XPO1: variants seen among roughly 807,000 people sequenced by gnomAD.
The protein encoded by XPO1 is exportin 1, also known as exportin-1.
XPO1 carries 5 observed loss-of-function variants against 133.3 expected under a neutral mutation model. The ratio of observed to expected loss-of-function variants is 0.04; its 90% CI spans 0.02 to 0.08. The LOEUF (loss-of-function observed/expected upper bound fraction) is 0.08. XPO1 is among the 10% of genes least tolerant of loss of function. The pLI is 1.00. For missense variants in XPO1, 506 were observed against 1,267.5 expected, an observed-to-expected ratio of 0.40 and a Z score of 9.12; for synonymous variants, 419 against 408.2, an observed-to-expected ratio of 1.03 and a Z score of -0.32.
At chr2:61,479,493 A>C (rs1696228343) in intron 24 of XPO1, among the ~76,000 whole-genome samples, 2 of 152,164 alleles carry the variant, frequency 1.3e-5, no homozygotes, top group African/African-American at 4.8e-5. Flanking sequence ...CCTTACAGTA[A>C]ATAGTCTTCA....
At chr2:61,506,514 G>A (rs921828173) in intron 4 of XPO1, among the ~76,000 whole-genome samples, 3 of 144,068 alleles carry the variant, frequency 2.1e-5, no homozygotes, top group South Asian at 2.2e-4. Context: ...CAGGAGAAAC[G>A]CTTGAACCCA....
chr2:61,515,937 C>CCACACACACACACACA (rs35237510), intron 4 of XPO1, among the ~76,000 whole-genome samples: 5 of 110,776 alleles, frequency 4.5e-5, no homozygotes, highest in African/African-American at 1.9e-4. Context: ...AAAAAAAAAA[C>CCACACACACACACACA]CACACACACA....
At chr2:61,499,193 G>A (rs1442863157) in intron 7 of XPO1, among the ~76,000 whole-genome samples, 4 of 152,154 alleles carry the variant, frequency 2.6e-5, no homozygotes, top group African/African-American at 9.7e-5. Flanking sequence ...CTAGTTTTCT[G>A]TTTTGTTTTA....
In XPO1 at chr2:61,500,578, C is replaced by CAAAAAAAAAAAAAAAAA. The variant is rs56213841; in HGVS notation, c.409-701_409-685dup. Among the ~76,000 whole-genome samples the CAAAAAAAAAAAAAAAAA allele has an allele frequency of 7.4e-4, 30 of 40,406 alleles. 2 individuals are homozygous for CAAAAAAAAAAAAAAAAA. The highest frequency in any genetic ancestry group is 3.9e-3 in the African/African-American group (29 of 7,430). The allele number at this position is 40,406 out of a possible 152,430, so 26.5% of individuals were successfully genotyped here. A position where few individuals can be genotyped will look rare whatever the true frequency, so the allele number is the denominator to read the frequency against. On this transcript the variant is annotated intron_variant, in intron 6 of 24. Coordinates refer to ENST00000401558, the MANE Select transcript of XPO1 (RefSeq NM_003400.4). ...TGGGCAACAGGATGAGACTCCATCTCAAAAAAAAAAAAAAAAAAAAGAGCA... is the reference window on the plus strand; with the variant it reads ...TGGGCAACAGGATGAGACTCCATCTCAAAAAAAAAAAAAAAAAAAAAAAAAAAAAAAAAAAAAGAGCA...
Position 61,490,750 on chromosome 2 carries a change from C to A in XPO1, c.1914G>T (p.Gly638=). Residue 638 remains glycine (G), a synonymous_variant, in exon 17 of 25, where the codon GGG becomes GGT. Coordinates refer to ENST00000401558, the MANE Select transcript of XPO1 (RefSeq NM_003400.4). ...QQVHTFYEAV[G]YMIGAQTDQT... The stretch of plus-strand genomic sequence containing the variant: ...GATCTGTTTGTGCACCAATCATGTA[C>A]CCCACAGCTTCATAAAACGTATGAA... The A allele has an allele frequency of 6.2e-7, 1 of 1,613,996 alleles. No homozygotes were observed. Among genetic ancestry groups the A allele is most frequent in the Non-Finnish European group, 8.5e-7 (1 of 1,179,992 alleles).
In XPO1 at chr2:61,492,552, CTA is replaced by C. The variant is rs1558639577; in HGVS notation, c.1566+13_1566+14del. 1 of 1,604,584 alleles carries C rather than the reference CTA, an allele frequency of 6.2e-7. No individual in the cohort carries two copies. The highest frequency in any genetic ancestry group is 1.7e-5 in the Admixed American group (1 of 57,740). On this transcript the variant is annotated intron_variant, in intron 14 of 24. Coordinates refer to ENST00000401558, the MANE Select transcript of XPO1 (RefSeq NM_003400.4). The surrounding 1 kb of genome is among the most constrained non-coding windows in gnomAD (Gnocchi z 5.6). ...CTTATTTAGCAATTCTAATTCATAC[CTA>C]TCCCTTGCATACCTTTATAACAGTA...
chr2:61,489,814 A>T (rs1696883330), intron 17 of XPO1, among the ~76,000 whole-genome samples: 1 of 152,062 alleles, frequency 6.6e-6, no homozygotes. Context: ...TCGGCCTCCC[A>T]AAGTGCTGGG....
At chr2:61,517,225 G>T (rs1380042961) in intron 4 of XPO1, among the ~76,000 whole-genome samples, 1 of 152,166 alleles carries the variant, frequency 6.6e-6, no homozygotes, top group African/African-American at 2.4e-5. Flanking sequence ...AAAAAGGGAT[G>T]GGGAATTATC....
At chr2:61,532,910 G>A (rs901143926) in intron 2 of XPO1, among the ~76,000 whole-genome samples, 4 of 152,092 alleles carry the variant, frequency 2.6e-5, no homozygotes, top group African/African-American at 9.7e-5. Context: ...GCACGCGGTG[G>A]CTCATGCCTG....
At chr2:61,521,721 T>C (rs1698697570) in intron 4 of XPO1, among the ~76,000 whole-genome samples, 1 of 152,198 alleles carries the variant, frequency 6.6e-6, no homozygotes, top group Non-Finnish European at 1.5e-5. Flanking sequence ...GGCTTTTCCA[T>C]TCCCGAGTTA....
At chr2:61,517,573 G>A (rs1295873095) in intron 4 of XPO1, among the ~76,000 whole-genome samples, 1 of 152,130 alleles carries the variant, frequency 6.6e-6, no homozygotes, top group Middle Eastern at 3.2e-3. Flanking sequence ...GTGATACAGT[G>A]AGATCTTGTC....
At chr2:61,514,602 A>AC (rs1388484009) in intron 4 of XPO1, among the ~76,000 whole-genome samples, 2 of 151,410 alleles carry the variant, frequency 1.3e-5, no homozygotes, top group Admixed American at 1.3e-4. Context: ...TTAAAAAAAA[A>AC]AAAAAAAAAG....
At chr2:61,495,844 C>T (rs1199011269) in intron 10 of XPO1, among the ~76,000 whole-genome samples, 1 of 151,936 alleles carries the variant, frequency 6.6e-6, no homozygotes, top group Admixed American at 6.6e-5. Flanking sequence ...TTATTTTTAA[C>T]ATTTTTGTAG....
intron 3 of XPO1, chr2:61,525,254 A>G: frequency 1.0e-6 from 1 of 985,464 alleles, no homozygotes; most frequent in Non-Finnish European, 1.2e-6. Flanking sequence ...AGTTAAAGGG[A>G]ATCAAAAGGG....
chr2:61,537,048 C>T (rs1699384922), intron 1 of XPO1: 1 of 152,154 alleles, frequency 6.6e-6, no homozygotes, highest in Admixed American at 6.5e-5. Context: ...AACCGGAGAG[C>T]TTTCGAGTTT....
intron 2 of XPO1, among the ~76,000 whole-genome samples, chr2:61,526,946 G>A (rs976782480): frequency 1.3e-5 from 2 of 152,112 alleles, no homozygotes; most frequent in Non-Finnish European, 2.9e-5. Flanking sequence ...GACCTCAGGT[G>A]ATCTGCCTGC....
intron 1 of XPO1, chr2:61,534,147 G>T: frequency 3.1e-6 from 1 of 323,920 alleles, no homozygotes; most frequent in East Asian, 5.5e-5. Flanking sequence ...TATACACCAG[G>T]AAGACTTTCC....
At chr2:61,506,885 T>C (rs1192265010) in intron 4 of XPO1, among the ~76,000 whole-genome samples, 2 of 151,996 alleles carry the variant, frequency 1.3e-5, no homozygotes, top group African/African-American at 4.8e-5. Flanking sequence ...ATAACACATT[T>C]CAATTCCTTT....
Position 61,478,801 on chromosome 2 carries a change from AAC to A in XPO1, c.*17_*18del, listed in dbSNP as rs763031963. 400 of 1,611,030 alleles carry A rather than the reference AAC, an allele frequency of 2.5e-4. No homozygotes were observed. The highest frequency in any genetic ancestry group is 8.4e-5 in the Non-Finnish European group (99 of 1,178,572). ...CTGCTAACGAGTTGCAGAGAAAAAA[AAC>A]AGCATGAATTTGGATTTTAATCACA... On this transcript the variant is annotated 3_prime_UTR_variant, in exon 25 of 25. Transcript: ENST00000401558.
Sources: gnomAD v4.1 joint callset for allele counts (sites outside exome capture counted in the v4.1 genomes callset) on GRCh38, gnomAD v4.1.1 for gene constraint, Gnocchi (gnomAD v3.1) non-coding constraint, MANE v1.5 for transcripts, NCBI Gene and HGNC (gene_info 2026-07-23, HGNC 2026-07-21) for gene names.